LRRC69: variants seen among roughly 807,000 people sequenced by gnomAD.
The protein encoded by LRRC69 is leucine-rich repeat-containing protein 69.
LRRC69 carries 42 observed loss-of-function variants against 37.8 expected under a neutral mutation model. That is an observed-to-expected ratio of 1.11 (90% CI 0.87 to 1.44). The LOEUF (loss-of-function observed/expected upper bound fraction) is 1.44, where lower values mean the gene tolerates loss of function less well. LRRC69 is among the 40% of genes most tolerant of loss of function. The probability of loss-of-function intolerance (pLI) is 0.00; values close to 1 mark genes in which losing one functional copy is unlikely to be tolerated. For synonymous variants in LRRC69, 141 were observed against 143.1 expected, an observed-to-expected ratio of 0.99 and a Z score of 0.11; for missense variants, 357 against 401.9, an observed-to-expected ratio of 0.89 and a Z score of 0.96.
At chr8:91,141,789 T>C (rs1443505370) in intron 5 of LRRC69, among the ~76,000 whole-genome samples, 1 of 152,038 alleles carries the variant, frequency 6.6e-6, no homozygotes, top group Non-Finnish European at 1.5e-5. Flanking sequence ...TGAACAAAGA[T>C]GCAAGTCAGC....
chr8:91,125,555 A>T (rs1813701206), intron 2 of LRRC69, among the ~76,000 whole-genome samples: 1 of 151,944 alleles, frequency 6.6e-6, no homozygotes, highest in Non-Finnish European at 1.5e-5. Context: ...ACCAGAGTTC[A>T]GTTACAATTT....
At chr8:91,176,134 A>ATT (rs771986461) in intron 5 of LRRC69, among the ~76,000 whole-genome samples, 37 of 75,700 alleles carry the variant, frequency 4.9e-4, no homozygotes, top group African/African-American at 2.3e-3. Flanking sequence ...ATATATATAT[A>ATT]TTTTTTTTTT....
intron 6 of LRRC69, among the ~76,000 whole-genome samples, chr8:91,198,526 G>A (rs1301819800): frequency 6.6e-6 from 1 of 151,896 alleles, no homozygotes; most frequent in African/African-American, 2.4e-5. Flanking sequence ...TACATTTTAT[G>A]TTTTTCATAT....
At chr8:91,130,799 G>A (rs78057514) in intron 3 of LRRC69, 150 of 152,076 alleles carry the variant, frequency 9.9e-4, no homozygotes, top group African/African-American at 3.4e-3. Context: ...CTGGAAGTTG[G>A]GAAGTGAAGA....
chr8:91,168,921 A>G lies in LRRC69; in HGVS notation c.652-20601A>G, dbSNP rs978980553. 5.3e-5 allele frequency among the ~76,000 whole-genome samples: 8 copies of G among 152,064 alleles called. No individual in the cohort carries two copies. The East Asian group carries it at 5.8e-4, about 11-fold the overall frequency. On this transcript the variant is annotated intron_variant, in intron 5 of 7. Coordinates refer to ENST00000448384, the Ensembl canonical transcript of LRRC69. ...CTTTTGAGCCCTTATTCTGTGCTTT[A>G]TAATAGGAATCATAATAATGTGAGT...
At position 91,206,974 on chromosome 8, in the gene LRRC69, C is replaced by T. The variant is rs537500362; in HGVS notation, c.933+6182C>T. 5.7e-6 allele frequency: 3 copies of T among 527,396 alleles called. No homozygotes were observed. In the East Asian group the frequency reaches 2.4e-4, roughly 43 times the overall value. The allele number at this position is 527,396 out of a possible 1,614,324, so 32.7% of individuals were successfully genotyped here. ...TATGCTTTTCCAACCTAGTTATTCCCCATTTACTTCAGCTGAACTTAAGAC... is the reference window on the plus strand; with the variant it reads ...TATGCTTTTCCAACCTAGTTATTCCTCATTTACTTCAGCTGAACTTAAGAC... On this transcript the variant is annotated intron_variant, in intron 7 of 7. Coordinates refer to ENST00000448384, the Ensembl canonical transcript of LRRC69.
chr8:91,217,813 G>GA (rs970660004), intron 7 of LRRC69, among the ~76,000 whole-genome samples: 1 of 152,060 alleles, frequency 6.6e-6, no homozygotes, highest in African/African-American at 2.4e-5. Context: ...ATCTTTGTAG[G>GA]AAAAAAGTCA....
At chr8:91,212,978 C>T (rs1276643546) in intron 7 of LRRC69, among the ~76,000 whole-genome samples, 1 of 152,152 alleles carries the variant, frequency 6.6e-6, no homozygotes, top group Non-Finnish European at 1.5e-5. Flanking sequence ...AGAACTCTCC[C>T]TTTTGTTCTC....
intron 7 of LRRC69, among the ~76,000 whole-genome samples, chr8:91,215,691 C>A (rs1810032314): frequency 6.6e-6 from 1 of 152,154 alleles, no homozygotes; most frequent in Non-Finnish European, 1.5e-5. Context: ...TTCCTATTCA[C>A]TGACCTTGGC....
At position 91,202,179 on chromosome 8, in the gene LRRC69, C is replaced by G. The variant is rs572099844; in HGVS notation, c.933+1387C>G. ...CGAGATTGCACCACTGCACTCCAGC[C>G]TAGGCAACAGAGCGAGACTCTGTCT... On this transcript the variant is annotated intron_variant, in intron 7 of 7. Coordinates refer to ENST00000448384, the Ensembl canonical transcript of LRRC69. Among the ~76,000 whole-genome samples the G allele has an allele frequency of 2.0e-5, 3 of 152,208 alleles. No individual in the cohort carries two copies. In the South Asian group the frequency reaches 6.2e-4, roughly 32 times the overall value.
chr8:91,202,591 A>G (rs542403864), intron 7 of LRRC69, among the ~76,000 whole-genome samples: 44 of 152,304 alleles, frequency 2.9e-4, no homozygotes, highest in Admixed American at 7.2e-4. Context: ...TCCAGTAGGA[A>G]CAGTGTGTAT....
At chr8:91,129,198 G>C (rs750308555) in intron 3 of LRRC69, among the ~76,000 whole-genome samples, 1 of 151,972 alleles carries the variant, frequency 6.6e-6, no homozygotes, top group Non-Finnish European at 1.5e-5. Flanking sequence ...TGGGCATCCT[G>C]GTGACAGAAT....
At chr8:91,218,961 T>C in exon 8 of LRRC69, 1 of 1,551,182 alleles carries the variant, frequency 6.4e-7, no homozygotes, top group Non-Finnish European at 8.7e-7. Context: ...AATGTTTTAC[T>C]CAACGTGACC....
intron 5 of LRRC69, among the ~76,000 whole-genome samples, chr8:91,171,124 C>T (rs1348706703): frequency 6.6e-6 from 1 of 151,922 alleles, no homozygotes; most frequent in Non-Finnish European, 1.5e-5. Context: ...TTCTGAGGCT[C>T]TAAGGAATGT....
chr8:91,156,463 C>A (rs954067036), intron 5 of LRRC69, among the ~76,000 whole-genome samples: 1 of 150,712 alleles, frequency 6.6e-6, no homozygotes, highest in Non-Finnish European at 1.5e-5. Context: ...CTTTTTTATT[C>A]TGTATATTAA....
At chr8:91,203,000 CTG>C (rs1384634051) in intron 7 of LRRC69, among the ~76,000 whole-genome samples, 1 of 151,972 alleles carries the variant, frequency 6.6e-6, no homozygotes, top group Non-Finnish European at 1.5e-5. Context: ...GCCTACAGAA[CTG>C]TGTAAAGCAG....
chr8:91,214,415 T>A (rs537321362), intron 7 of LRRC69, among the ~76,000 whole-genome samples: 1 of 152,192 alleles, frequency 6.6e-6, no homozygotes, highest in Admixed American at 6.6e-5. Context: ...TGAAAACATG[T>A]GCACTTTCCA....
chr8:91,123,085 AG>A (rs1254899766), intron 1 of LRRC69, among the ~76,000 whole-genome samples: 1 of 152,118 alleles, frequency 6.6e-6, no homozygotes, highest in Non-Finnish European at 1.5e-5. Flanking sequence ...ATATAAGCCA[AG>A]GAATGGAGGC....
At chr8:91,132,522 G>T (rs1285670992) in intron 3 of LRRC69, among the ~76,000 whole-genome samples, 1 of 151,916 alleles carries the variant, frequency 6.6e-6, no homozygotes, top group Non-Finnish European at 1.5e-5. Context: ...TATGCTTCAG[G>T]AACCATATCT....
Sources: gnomAD v4.1 joint callset for allele counts (sites outside exome capture counted in the v4.1 genomes callset) on GRCh38, gnomAD v4.1.1 for gene constraint, MANE v1.5 for transcripts, NCBI Gene and HGNC (gene_info 2026-07-23, HGNC 2026-07-21) for gene names.